CC2D2B: variants seen among roughly 807,000 people sequenced by gnomAD.
The protein encoded by CC2D2B is coiled-coil and C2 domain containing 2B.
CC2D2B carries 128 observed loss-of-function variants against 161.2 expected under a neutral mutation model. The ratio of observed to expected loss-of-function variants is 0.79; its 90% CI spans 0.69 to 0.92. The LOEUF is 0.92. Ranked by LOEUF, CC2D2B falls within the 40% of genes least tolerant of loss-of-function variation. CC2D2B has a pLI of 0.00. For synonymous variants in CC2D2B, 391 were observed against 449.8 expected (o/e 0.87, Z 1.65); for missense variants, 1,173 against 1,375.1 (o/e 0.85, Z 2.32).
At chr10:95,987,323 C>CA (rs145348920) in intron 19 of CC2D2B, among the ~76,000 whole-genome samples, 229 of 138,684 alleles carry the variant, frequency 1.7e-3, no homozygotes, top group African/African-American at 4.4e-3. Context: ...GACTCTGTCT[C>CA]AAAAAAAAAA....
chr10:95,967,982 G>C (rs965300527), intron 14 of CC2D2B, among the ~76,000 whole-genome samples: 1 of 152,154 alleles, frequency 6.6e-6, no homozygotes, highest in Non-Finnish European at 1.5e-5. Flanking sequence ...CATTAGATCA[G>C]TTCTCTTGCC....
chr10:95,996,052 C>T, intron 23 of CC2D2B, 91 bp from the exon 24 acceptor site: 1 of 462,888 alleles, frequency 2.2e-6, no homozygotes, highest in South Asian at 6.5e-5. Context: ...AAACTTAAGC[C>T]ATACATTTGC....
chr10:96,011,767 A>C (rs2141856713), intron 26 of CC2D2B, among the ~76,000 whole-genome samples: 1 of 151,784 alleles, frequency 6.6e-6, no homozygotes, highest in East Asian at 1.9e-4. Flanking sequence ...ACACACACAC[A>C]CACACACACA....
chr10:96,024,639 A>G (rs1406021191), intron 32 of CC2D2B, among the ~76,000 whole-genome samples: 7 of 152,188 alleles, frequency 4.6e-5, no homozygotes, highest in African/African-American at 1.4e-4. Flanking sequence ...CCATGAAAAT[A>G]TATCTTTTGT....
chr10:95,998,508 T>A (rs998073267), intron 24 of CC2D2B, among the ~76,000 whole-genome samples: 2 of 152,056 alleles, frequency 1.3e-5, no homozygotes, highest in Non-Finnish European at 2.9e-5. Flanking sequence ...ATTGTGTACA[T>A]CAAGGTTCTC....
intron 25 of CC2D2B, among the ~76,000 whole-genome samples, chr10:96,009,531 CTATAA>C (rs1210720181): frequency 1.3e-5 from 2 of 152,196 alleles, no homozygotes; most frequent in Non-Finnish European, 2.9e-5. Flanking sequence ...GAGCAGGATA[CTATAA>C]TATAATGCCT....
intron 2 of CC2D2B, among the ~76,000 whole-genome samples, chr10:95,914,046 G>A (rs2098511416): frequency 6.6e-6 from 1 of 152,148 alleles, no homozygotes; most frequent in Admixed American, 6.5e-5. Flanking sequence ...CCAGACCAAT[G>A]TCCTGGAGAG....
chr10:95,988,742 A>G (rs1384284046), intron 20 of CC2D2B, among the ~76,000 whole-genome samples: 1 of 152,240 alleles, frequency 6.6e-6, no homozygotes, highest in Non-Finnish European at 1.5e-5. Flanking sequence ...CACAGACAGT[A>G]TTAGAAAAAT....
chr10:95,967,564 A>G (rs1330699296), intron 14 of CC2D2B, among the ~76,000 whole-genome samples: 1 of 152,188 alleles, frequency 6.6e-6, no homozygotes, highest in South Asian at 2.1e-4. Flanking sequence ...TTAGAGAAAA[A>G]TTAAAAAGAG....
chr10:96,025,168 T>TATAAAAAAAAAAAAAAA (rs2079658721), intron 33 of CC2D2B, among the ~76,000 whole-genome samples: 1 of 12,522 alleles, frequency 8.0e-5, no homozygotes, highest in South Asian at 2.3e-3. Flanking sequence ...TATATATATA[T>TATAAAAAAAAAAAAAAA]ATATATATAT....
chr10:95,998,090 A>AT (rs936315092), intron 24 of CC2D2B, among the ~76,000 whole-genome samples: 4 of 151,010 alleles, frequency 2.6e-5, no homozygotes, highest in South Asian at 2.1e-4. Context: ...TTTTTTTTCA[A>AT]TTTTTTTTAA....
intron 2 of CC2D2B, among the ~76,000 whole-genome samples, chr10:95,917,649 GC>G (rs2098518931): frequency 6.6e-6 from 1 of 151,630 alleles, no homozygotes; most frequent in African/African-American, 2.4e-5. Context: ...AACTCTTATT[GC>G]AAAAACAAAC....
chr10:95,993,363 A>G (rs907445507), intron 22 of CC2D2B, among the ~76,000 whole-genome samples: 2 of 152,130 alleles, frequency 1.3e-5, no homozygotes, highest in African/African-American at 4.8e-5. Flanking sequence ...TATGATTTAT[A>G]TATTACTAAT....
chr10:95,979,174 T>G lies in CC2D2B; in HGVS notation c.1944-2801T>G, dbSNP rs377092377. ...TTATACGTTTCTGGGTTTTTGGTGT[T>G]TTTTTTTTTTTTTCCTCTCTCTCCT... On this transcript the variant is annotated intron_variant, in intron 17 of 34. Coordinates refer to ENST00000646931, the MANE Select transcript of CC2D2B (RefSeq NM_001349008.3). 6.2e-4 allele frequency among the ~76,000 whole-genome samples: 91 copies of G among 146,658 alleles called. No homozygotes were observed. In the East Asian group the frequency reaches 0.016, roughly 26 times the overall value.
intron 19 of CC2D2B, among the ~76,000 whole-genome samples, chr10:95,986,555 T>G (rs1175597204): frequency 6.6e-6 from 1 of 151,890 alleles, no homozygotes; most frequent in Non-Finnish European, 1.5e-5. Context: ...ACAAAGGTAT[T>G]TCTTAAATAA....
At chr10:96,019,462 G>A (rs1414921) in intron 31 of CC2D2B, 125 bp downstream of exon 31, 642,096 of 997,072 alleles carry the variant, frequency 0.64, 209,704 homozygotes, top group East Asian at 0.85. Context: ...ATGGGGCCGG[G>A]GCAATCTTTT....
intron 11 of CC2D2B, 113 bp downstream of exon 11, chr10:95,955,604 C>T (rs980559827): frequency 9.2e-5 from 36 of 391,256 alleles, no homozygotes; most frequent in African/African-American, 6.6e-4. Flanking sequence ...ACTTTTTAGG[C>T]GATTACAGAA....
intron 19 of CC2D2B, among the ~76,000 whole-genome samples, chr10:95,984,136 G>A (rs943528424): frequency 5.9e-5 from 9 of 152,146 alleles, no homozygotes; most frequent in Admixed American, 5.2e-4. Flanking sequence ...GTAAGGGGGA[G>A]AGACACTACC....
chr10:95,934,156 T>A (rs1271068716), intron 6 of CC2D2B, among the ~76,000 whole-genome samples: 3 of 152,116 alleles, frequency 2.0e-5, no homozygotes, highest in African/African-American at 7.2e-5. Flanking sequence ...AGTTTGAACT[T>A]CCCCGTGGCT....
Sources: gnomAD v4.1 joint callset for allele counts (sites outside exome capture counted in the v4.1 genomes callset) on GRCh38, gnomAD v4.1.1 for gene constraint, MANE v1.5 for transcripts, NCBI Gene and HGNC (gene_info 2026-07-23, HGNC 2026-07-21) for gene names.